Variants in ATP2C2 observed in about 807,000 individuals in gnomAD.
ATP2C2 encodes the protein ATPase secretory pathway Ca2+ transporting 2.
ATP2C2 carries 171 observed loss-of-function variants against 110.8 expected under a neutral mutation model. The ratio of observed to expected loss-of-function variants is 1.54; its 90% CI spans 1.36 to 1.75. The LOEUF (loss-of-function observed/expected upper bound fraction) is 1.75. Among genes scored for constraint, ATP2C2 ranks in the 40% most tolerant of loss-of-function variants. The pLI, the probability that ATP2C2 is intolerant of heterozygous loss-of-function variation, is 0.00. For synonymous variants in ATP2C2, 804 were observed against 508.4 expected (o/e 1.58, Z -7.82); for missense variants, 1,963 against 1,235.0 (o/e 1.59, Z -8.84).
At chr16:84,373,023 G>A (rs1447941111) in intron 1 of ATP2C2, among the ~76,000 whole-genome samples, 1 of 151,564 alleles carries the variant, frequency 6.6e-6, no homozygotes, top group Non-Finnish European at 1.5e-5. Context: ...CGGAGGCTGA[G>A]GCAGGAAAAT....
At chr16:84,405,984 T>G (rs1313876215) in intron 3 of ATP2C2, among the ~76,000 whole-genome samples, 1 of 152,188 alleles carries the variant, frequency 6.6e-6, no homozygotes, top group Non-Finnish European at 1.5e-5. Context: ...CTAGTATAAG[T>G]GTGTCCCAAT....
intron 1 of ATP2C2, among the ~76,000 whole-genome samples, chr16:84,388,726 A>C (rs8046864): frequency 0.17 from 25,906 of 152,180 alleles, 2,356 homozygotes; most frequent in Non-Finnish European, 0.2. Flanking sequence ...ATCGATCCCA[A>C]TAATTACGTG....
Position 84,454,994 on chromosome 16 carries a change from C to T in ATP2C2, c.2147+10C>T, listed in dbSNP as rs1209123755. On this transcript the variant is annotated intron_variant, in intron 21 of 26. Coordinates refer to ENST00000262429, the MANE Select transcript of ATP2C2 (RefSeq NM_014861.4). ...ACTTCTCAGCCATCATGTAAGCTGC[C>T]CTTCTGGTTGTTTTTCAGTTGCAAA... The T allele has an allele frequency of 4.3e-6, 7 of 1,612,196 alleles. No individual in the cohort carries two copies. The highest frequency in any genetic ancestry group is 1.7e-5 in the Admixed American group (1 of 59,796).
chr16:84,402,478 T>C (rs979819107), intron 2 of ATP2C2, among the ~76,000 whole-genome samples: 1 of 152,224 alleles, frequency 6.6e-6, no homozygotes, highest in Non-Finnish European at 1.5e-5. Flanking sequence ...ACATGTTCCT[T>C]CTATACCTAG....
chr16:84,463,789 C>T lies in ATP2C2; in HGVS notation c.*57C>T, dbSNP rs1911645374. Reference sequence around the variant, plus strand: ...ATCTCGATCTGGTTGTGACTGTGGCCCCTGCCGTGTCTCCTCGTCAGGGGA... The same window carrying T: ...ATCTCGATCTGGTTGTGACTGTGGCTCCTGCCGTGTCTCCTCGTCAGGGGA... On this transcript the variant is annotated 3_prime_UTR_variant, in exon 27 of 27. Coordinates refer to ENST00000262429, the MANE Select transcript of ATP2C2 (RefSeq NM_014861.4). 3 of 1,455,930 alleles carry T rather than the reference C, an allele frequency of 2.1e-6. No individual in the cohort carries two copies. The highest frequency in any genetic ancestry group is 2.9e-6 in the Non-Finnish European group (3 of 1,037,896). The allele number at this position is 1,455,930 out of a possible 1,614,324, so 90.2% of individuals were successfully genotyped here.
Position 84,410,608 on chromosome 16 carries a change from G to C in ATP2C2, c.453+5G>C, listed in dbSNP as rs755963571. 8 of 1,614,134 alleles carry C rather than the reference G, an allele frequency of 5.0e-6. No homozygotes were observed. The highest frequency in any genetic ancestry group is 6.8e-6 in the Non-Finnish European group (8 of 1,180,010). On this transcript the variant is annotated splice_donor_5th_base_variant and intron_variant, in intron 5 of 26. Transcript: ENST00000262429. ...GTCACTGTCGCCTTCATCCAGGTGAGTATTTCCTGAGGTCCCAGTCAGGGT... is the reference window on the plus strand; with the variant it reads ...GTCACTGTCGCCTTCATCCAGGTGACTATTTCCTGAGGTCCCAGTCAGGGT...
chr16:84,441,016 C>A, intron 14 of ATP2C2, 58 bp downstream of exon 14: 1 of 1,388,150 alleles, frequency 7.2e-7, no homozygotes, highest in Non-Finnish European at 1.0e-6. Context: ...TTCTGGGGCT[C>A]CTCTCTGAAA....
chr16:84,446,675 G>C (rs1329867120), intron 16 of ATP2C2, among the ~76,000 whole-genome samples: 2 of 152,176 alleles, frequency 1.3e-5, no homozygotes, highest in Non-Finnish European at 2.9e-5. Context: ...TACCACGCGA[G>C]ACTTTATTAG....
In ATP2C2 at chr16:84,410,561, T is replaced by C. The variant is rs764218149; in HGVS notation, c.418-7T>C. 4.3e-6 allele frequency: 7 copies of C among 1,613,878 alleles called. No homozygotes were observed. The highest frequency in any genetic ancestry group is 5.1e-6 in the Non-Finnish European group (6 of 1,179,906). On this transcript the variant is annotated splice_region_variant and splice_polypyrimidine_tract_variant and intron_variant, in intron 4 of 26. Transcript: ENST00000262429. ...GGTACTGACACCCTCCTCCGTTTGCTGTCTAGGCAGTGCTTGTCGTGGTCA... is the reference window on the plus strand; with the variant it reads ...GGTACTGACACCCTCCTCCGTTTGCCGTCTAGGCAGTGCTTGTCGTGGTCA...
At chr16:84,399,901 C>T (rs753490018) in intron 2 of ATP2C2, among the ~76,000 whole-genome samples, 2 of 152,178 alleles carry the variant, frequency 1.3e-5, no homozygotes, top group Non-Finnish European at 2.9e-5. Context: ...TAGCCCTCTC[C>T]ACTTTCTCCC....
chr16:84,404,570 A>G (rs928844942), intron 2 of ATP2C2: 1 of 236,916 alleles, frequency 4.2e-6, no homozygotes, highest in Non-Finnish European at 8.3e-6. Context: ...TTGTGTGTGT[A>G]CACCATGTTT....
At chr16:84,452,208 T>C (rs1597867304) in intron 18 of ATP2C2, 117 bp downstream of exon 18, 2 of 1,271,834 alleles carry the variant, frequency 1.6e-6, no homozygotes, top group East Asian at 4.8e-5. Context: ...CGCCTAGCCC[T>C]ACAGGCTTAG....
intron 26 of ATP2C2, among the ~76,000 whole-genome samples, chr16:84,463,196 TCCCAGGGAACATGTCGCTGGGAATTC>T (rs1911565113): frequency 6.0e-5 from 1 of 16,640 alleles, no homozygotes; most frequent in Admixed American, 7.0e-4. Context: ...TGGGAATTCA[TCCCAGGGAACATGTCGCTGGGAATTC>T]ATCCCAGGGA....
Position 84,375,653 on chromosome 16 carries a change from C to G in ATP2C2, c.99+6939C>G, listed in dbSNP as rs551122025. Among the ~76,000 whole-genome samples, 274 of 152,284 alleles carry G rather than the reference C, an allele frequency of 1.8e-3. 1 individual carries two copies. The highest frequency in any genetic ancestry group is 6.4e-3 in the African/African-American group (267 of 41,546). On this transcript the variant is annotated intron_variant, in intron 1 of 26. Transcript: ENST00000262429. ...TCCACGATTCTTTTGCCATCTTTGC[C>G]CCTCATGATGTATCATTCAGTGGAA...
chr16:84,390,947 C>G (rs1034903002), intron 1 of ATP2C2, among the ~76,000 whole-genome samples: 1 of 151,952 alleles, frequency 6.6e-6, no homozygotes, highest in Non-Finnish European at 1.5e-5. Context: ...AACCCCGTCT[C>G]TACTAAAAAT....
At chr16:84,458,933 G>A (rs1910962234) in intron 21 of ATP2C2, among the ~76,000 whole-genome samples, 187 bp from the exon 22 acceptor site, 1 of 152,096 alleles carries the variant, frequency 6.6e-6, no homozygotes, top group Non-Finnish European at 1.5e-5. Context: ...AGTGGCCGAG[G>A]GGCACCTGTT....
intron 4 of ATP2C2, among the ~76,000 whole-genome samples, chr16:84,409,002 C>G (rs1906033856): frequency 6.6e-6 from 1 of 152,138 alleles, no homozygotes; most frequent in African/African-American, 2.4e-5. Context: ...CAGAAGGAAA[C>G]CCTGTGCTCA....
chr16:84,460,505 G>C (rs759979018), intron 23 of ATP2C2, 149 bp from the exon 24 acceptor site: 2 of 1,055,804 alleles, frequency 1.9e-6, no homozygotes, highest in South Asian at 1.3e-5. Context: ...GTGCCGAGGA[G>C]GGCAGGTGCG....
intron 1 of ATP2C2, among the ~76,000 whole-genome samples, chr16:84,380,318 C>G (rs868862011): frequency 6.6e-6 from 1 of 152,202 alleles, no homozygotes; most frequent in Non-Finnish European, 1.5e-5. Flanking sequence ...TGCTGTTTAT[C>G]TACTATCTTG....
Sources: allele counts gnomAD v4.1 joint callset (sites outside exome capture counted in the v4.1 genomes callset), GRCh38; gene constraint gnomAD v4.1.1; transcripts MANE v1.5; gene names NCBI Gene and HGNC (gene_info 2026-07-23, HGNC 2026-07-21).